The following FLT1 variants were observed in gnomAD, a reference collection of about 807,000 sequenced individuals.
FLT1 encodes the protein vascular endothelial growth factor receptor 1.
In FLT1, 49 loss-of-function variants were observed where a neutral mutation model predicts 156.3. The ratio of observed to expected loss-of-function variants is 0.31; its 90% CI spans 0.25 to 0.40. FLT1 has a LOEUF of 0.40. Among genes scored for constraint, FLT1 ranks in the 10% least tolerant of loss-of-function variants. The probability of loss-of-function intolerance (pLI) is 1.00; values close to 1 mark genes in which losing one functional copy is unlikely to be tolerated. For synonymous variants in FLT1, 594 were observed against 583.8 expected, an observed-to-expected ratio of 1.02 and a Z score of -0.25; for missense variants, 1,322 against 1,637.2, an observed-to-expected ratio of 0.81 and a Z score of 3.32.
At chr13:28,487,995 C>G (rs1173483433) in intron 1 of FLT1, among the ~76,000 whole-genome samples, 2 of 151,312 alleles carry the variant, frequency 1.3e-5, no homozygotes, top group Non-Finnish European at 2.9e-5. Context: ...GATGTCCCAG[C>G]AGAAGGCGGC....
At chr13:28,467,645 A>C in intron 1 of FLT1, 28 bp from the exon 2 acceptor site, 1 of 1,257,708 alleles carries the variant, frequency 8.0e-7, no homozygotes, top group Non-Finnish European at 1.1e-6. Context: ...AAAATGTATT[A>C]TTTGTAAATT....
In FLT1 at chr13:28,306,897, CTAT is replaced by C. The variant is rs370089084; in HGVS notation, c.3721-128_3721-126del. On this transcript the variant is annotated intron_variant, in intron 28 of 29. Coordinates refer to ENST00000282397, the MANE Select transcript of FLT1 (RefSeq NM_002019.4). Reference sequence around the variant, plus strand: ...CTGCCTCACCCTCCACAATCCCAGCCTATTGAGACAAAGCATTTCTCTAAGTTG... The same window carrying C: ...CTGCCTCACCCTCCACAATCCCAGCCTGAGACAAAGCATTTCTCTAAGTTG... The C allele has an allele frequency of 3.4e-4, 241 of 707,410 alleles. No individual in the cohort carries two copies. The African/African-American group carries it at 3.8e-3, about 11-fold the overall frequency. 43.8% of individuals were successfully genotyped at this position (707,410 alleles called of 1,614,324 possible). A position where few individuals can be genotyped will look rare whatever the true frequency, so the allele number is the denominator to read the frequency against.
intron 11 of FLT1, among the ~76,000 whole-genome samples, chr13:28,403,780 A>G (rs1481843968): frequency 6.6e-6 from 1 of 152,250 alleles, no homozygotes; most frequent in African/African-American, 2.4e-5. Flanking sequence ...GTGGTGGCTC[A>G]TGCCTGTAAT....
At chr13:28,367,480 T>C (rs1452273019) in intron 14 of FLT1, among the ~76,000 whole-genome samples, 1 of 152,204 alleles carries the variant, frequency 6.6e-6, no homozygotes, top group Non-Finnish European at 1.5e-5. Flanking sequence ...ACTGTCAATT[T>C]TAAAGGTGTA....
At chr13:28,362,339 C>G (rs1282039759) in intron 14 of FLT1, among the ~76,000 whole-genome samples, 1 of 152,180 alleles carries the variant, frequency 6.6e-6, no homozygotes, top group East Asian at 1.9e-4. Flanking sequence ...AGCATTGAAG[C>G]TTTGAGAAGT....
chr13:28,372,553 G>A (rs1381017854), intron 14 of FLT1, among the ~76,000 whole-genome samples: 3 of 96,546 alleles, frequency 3.1e-5, no homozygotes, highest in Admixed American at 2.8e-4. Context: ...TATATTCCTC[G>A]TTTAAATAAA....
intron 24 of FLT1, among the ~76,000 whole-genome samples, chr13:28,318,317 G>C (rs549145158): frequency 6.6e-6 from 1 of 152,060 alleles, no homozygotes; most frequent in Non-Finnish European, 1.5e-5. Context: ...GAATGGGGTG[G>C]GGGCTGCCCG....
intron 10 of FLT1, among the ~76,000 whole-genome samples, chr13:28,416,104 T>C (rs1174230786): frequency 6.6e-6 from 1 of 152,256 alleles, no homozygotes; most frequent in Non-Finnish European, 1.5e-5. Flanking sequence ...ACACCTATTA[T>C]GACATTTAAC....
At chr13:28,447,142 TA>T (rs58585092) in intron 3 of FLT1, among the ~76,000 whole-genome samples, 47,337 of 143,450 alleles carry the variant, frequency 0.33, 7,793 homozygotes, top group East Asian at 0.38. Flanking sequence ...CTATAAAAAA[TA>T]TATATTTTAT....
At chr13:28,494,574 C>T (rs1443163476) in intron 1 of FLT1, among the ~76,000 whole-genome samples, 1 of 152,126 alleles carries the variant, frequency 6.6e-6, no homozygotes, top group Non-Finnish European at 1.5e-5. Context: ...CCAGGCCAGC[C>T]ACTCCTCGAG....
At chr13:28,477,915 TCA>T (rs1880640433) in intron 1 of FLT1, among the ~76,000 whole-genome samples, 1 of 152,214 alleles carries the variant, frequency 6.6e-6, no homozygotes, top group South Asian at 2.1e-4. Flanking sequence ...AACTGATTGC[TCA>T]GTGGAGATGC....
intron 15 of FLT1, among the ~76,000 whole-genome samples, chr13:28,347,129 T>C (rs1159661243): frequency 6.6e-6 from 1 of 152,176 alleles, no homozygotes; most frequent in Non-Finnish European, 1.5e-5. Context: ...AATAGTAATC[T>C]AATAATACTT....
chr13:28,491,020 T>C (rs1392092394), intron 1 of FLT1, among the ~76,000 whole-genome samples: 1 of 152,236 alleles, frequency 6.6e-6, no homozygotes, highest in Non-Finnish European at 1.5e-5. Flanking sequence ...CTACAGAAGC[T>C]ACTTACTCTG....
At chr13:28,453,181 T>C (rs2137591622) in intron 3 of FLT1, among the ~76,000 whole-genome samples, 1 of 149,582 alleles carries the variant, frequency 6.7e-6, no homozygotes, top group South Asian at 2.2e-4. Flanking sequence ...TGGAGTGCAA[T>C]GCTGCCATCT....
At chr13:28,389,538 C>T (rs1473351137) in intron 13 of FLT1, 26 of 1,431,662 alleles carry the variant, frequency 1.8e-5, no homozygotes, top group East Asian at 7.5e-5. Context: ...GCAGCCCCCT[C>T]GGCCTGAATG....
At chr13:28,381,748 C>G (rs1487481749) in intron 14 of FLT1, among the ~76,000 whole-genome samples, 3 of 152,152 alleles carry the variant, frequency 2.0e-5, no homozygotes, top group Non-Finnish European at 4.4e-5. Flanking sequence ...CCTCTTTGAG[C>G]CTAAGTTTTC....
Position 28,320,960 on chromosome 13 carries a change from C to T in FLT1, c.3174+503G>A, listed in dbSNP as rs530399767. Among the ~76,000 whole-genome samples, 8 of 152,176 alleles carry T rather than the reference C, an allele frequency of 5.3e-5. 1 individual carries two copies. The highest frequency in any genetic ancestry group is 4.2e-4 in the South Asian group (2 of 4,814). On this transcript the variant is annotated intron_variant, in intron 23 of 29. Transcript: ENST00000282397. ...AACAAGCAGGGAAGAGAAGCCAGTA[C>T]GAGCCAGCGGGGAGATGCTAGGCAT...
chr13:28,401,099 G>A (rs1183808473), intron 11 of FLT1, among the ~76,000 whole-genome samples: 6 of 152,080 alleles, frequency 3.9e-5, no homozygotes, highest in Non-Finnish European at 7.4e-5. Flanking sequence ...GGTGGCAGGC[G>A]CCTGTAGTCC....
chr13:28,308,818 T>C (rs775361050), intron 28 of FLT1, 25 bp downstream of exon 28: 14 of 1,449,404 alleles, frequency 9.7e-6, no homozygotes, highest in Non-Finnish European at 1.2e-5. Flanking sequence ...CGGGGTGCAC[T>C]AGGTACCTTA....
Sources: gnomAD v4.1 joint callset for allele counts (sites outside exome capture counted in the v4.1 genomes callset) on GRCh38, gnomAD v4.1.1 for gene constraint, MANE v1.5 for transcripts, NCBI Gene and HGNC (gene_info 2026-07-23, HGNC 2026-07-21) for gene names.